SFT2D1: variants seen among roughly 807,000 people sequenced by gnomAD.
SFT2D1 encodes the protein SFT2 domain containing 1, also known as vesicle transport protein SFT2A.
In SFT2D1, 24 loss-of-function variants were observed where a neutral mutation model predicts 28.1. The ratio of observed to expected loss-of-function variants is 0.85; its 90% confidence interval spans 0.62 to 1.20. SFT2D1 has a LOEUF of 1.20. SFT2D1 is among the 50% of genes most tolerant of loss of function. The probability of loss-of-function intolerance (pLI) is 0.00; values close to 1 mark genes in which losing one functional copy is unlikely to be tolerated. For missense variants in SFT2D1, 181 were observed against 190.9 expected (o/e 0.95, Z 0.31); for synonymous variants, 82 against 73.7 (o/e 1.11, Z -0.58).
intron 5 of SFT2D1, among the ~76,000 whole-genome samples, chr6:166,325,415 G>A (rs1778425747): frequency 6.6e-6 from 1 of 152,174 alleles, no homozygotes; most frequent in Non-Finnish European, 1.5e-5. Context: ...AGAAAAATAT[G>A]ATGTAGAATC....
chr6:166,321,988 A>G (rs1778365731), intron 7 of SFT2D1, among the ~76,000 whole-genome samples: 1 of 152,106 alleles, frequency 6.6e-6, no homozygotes, highest in Non-Finnish European at 1.5e-5. Flanking sequence ...GGTTCAAGTG[A>G]TTCTCCCACC....
intron 4 of SFT2D1, among the ~76,000 whole-genome samples, chr6:166,326,462 G>A (rs1778446843): frequency 2.0e-5 from 3 of 152,218 alleles, no homozygotes; most frequent in Admixed American, 2.0e-4. Context: ...AATGCAAGAG[G>A]TGGGCAGTGT....
intron 1 of SFT2D1, among the ~76,000 whole-genome samples, chr6:166,336,759 G>A (rs4610538): frequency 0.14 from 21,625 of 152,130 alleles, 1,733 homozygotes; most frequent in Admixed American, 0.24. Flanking sequence ...TTGTAGAAGC[G>A]GGGTCTCGCC....
At chr6:166,334,615 T>TGGAGGGCCGACTGTGCAATCTCGGCACC (rs1778611310) in intron 1 of SFT2D1, 1 of 189,208 alleles carries the variant, frequency 5.3e-6, no homozygotes, top group African/African-American at 2.4e-5. Context: ...AGCTCCTCAC[T>TGGAGGGCCGACTGTGCAATCTCGGCACC]GGAGGGCCGA....
At position 166,328,372 on chromosome 6, in the gene SFT2D1, T is replaced by TA; in HGVS notation, c.234-16dup. On this transcript the variant is annotated splice_polypyrimidine_tract_variant and intron_variant, in intron 3 of 7. Transcript: ENST00000361731. ...AAAAGCATGTACTATTTGAAACAAA[T>TA]AAAGTGACTGAGGTACAGGTCTACT... 1 of 1,484,882 alleles carries TA rather than the reference T, an allele frequency of 6.7e-7. No homozygotes were observed. Among genetic ancestry groups the TA allele is most frequent in the African/African-American group, 1.4e-5 (1 of 70,918 alleles). 92.0% of individuals were successfully genotyped at this position (1,484,882 alleles called of 1,614,324 possible). A position where few individuals can be genotyped will look rare whatever the true frequency, so the allele number is the denominator to read the frequency against.
chr6:166,339,039 C>T (rs961041357), intron 1 of SFT2D1, among the ~76,000 whole-genome samples: 7 of 152,232 alleles, frequency 4.6e-5, no homozygotes, highest in Admixed American at 2.0e-4. Context: ...ATCCTGGTTA[C>T]GTCTTGCTGC....
intron 1 of SFT2D1, among the ~76,000 whole-genome samples, chr6:166,336,312 CCAAG>C (rs1389188080): frequency 6.6e-6 from 1 of 152,084 alleles, no homozygotes; most frequent in African/African-American, 2.4e-5. Flanking sequence ...AGGGGATCAC[CCAAG>C]CAAAGTCACA....
intron 1 of SFT2D1, among the ~76,000 whole-genome samples, chr6:166,331,987 C>T (rs576477746): frequency 6.6e-5 from 10 of 152,264 alleles, no homozygotes; most frequent in South Asian, 4.1e-4. Context: ...GGAAACAGCA[C>T]GGCTATTTGT....
chr6:166,330,635 G>A (rs1778532394), intron 1 of SFT2D1, among the ~76,000 whole-genome samples: 1 of 152,232 alleles, frequency 6.6e-6, no homozygotes, highest in Non-Finnish European at 1.5e-5. Flanking sequence ...GGCTGGGAAA[G>A]AGTACACAGG....
At chr6:166,328,480 A>T (rs1020059303) in intron 3 of SFT2D1, 123 bp from the exon 4 acceptor site, 73 of 502,898 alleles carry the variant, frequency 1.5e-4, no homozygotes, top group Middle Eastern at 1.1e-3. Flanking sequence ...TCTCACTAAA[A>T]TTTTTTTTTT....
At chr6:166,329,942 C>A (rs1193416453) in intron 2 of SFT2D1, among the ~76,000 whole-genome samples, 1 of 152,124 alleles carries the variant, frequency 6.6e-6, no homozygotes, top group Non-Finnish European at 1.5e-5. Context: ...CACATTGATA[C>A]ATTTTTCTTA....
At chr6:166,327,871 G>C (rs1778477485) in intron 4 of SFT2D1, among the ~76,000 whole-genome samples, 1 of 152,028 alleles carries the variant, frequency 6.6e-6, no homozygotes, top group South Asian at 2.1e-4. Context: ...TGTGATCTTG[G>C]CTCACTGCAA....
chr6:166,327,263 G>A (rs1228083712), intron 4 of SFT2D1, among the ~76,000 whole-genome samples: 1 of 152,238 alleles, frequency 6.6e-6, no homozygotes, highest in East Asian at 1.9e-4. Flanking sequence ...CACAGACCAG[G>A]TGAGTTAGGA....
chr6:166,330,340 T>C, intron 1 of SFT2D1, 93 bp from the exon 2 acceptor site: 1 of 779,908 alleles, frequency 1.3e-6, no homozygotes, highest in Non-Finnish European at 2.1e-6. Context: ...TAACACATAG[T>C]CTGAATCATT....
intron 5 of SFT2D1, among the ~76,000 whole-genome samples, chr6:166,325,081 T>G (rs1352295721): frequency 6.6e-6 from 1 of 152,214 alleles, no homozygotes; most frequent in African/African-American, 2.4e-5. Flanking sequence ...TTTAAAATAT[T>G]TTCAGAATTC....
chr6:166,334,732 C>A (rs1778613726), intron 1 of SFT2D1: 1 of 336,738 alleles, frequency 3.0e-6, no homozygotes, highest in Non-Finnish European at 5.8e-6. Context: ...GTCATGAGAT[C>A]CAAGCACCAA....
chr6:166,326,085 G>T (rs189199442), intron 5 of SFT2D1, 47 bp downstream of exon 5: 1 of 1,548,326 alleles, frequency 6.5e-7, no homozygotes, highest in Non-Finnish European at 8.9e-7. Context: ...CAGCTGGGGT[G>T]GGGGGCACAC....
intron 1 of SFT2D1, among the ~76,000 whole-genome samples, chr6:166,333,336 G>A (rs1778585376): frequency 6.6e-6 from 1 of 152,078 alleles, no homozygotes; most frequent in African/African-American, 2.4e-5. Context: ...TGGCCTTTCT[G>A]TGCAGCATCC....
At chr6:166,332,193 T>G (rs1778564528) in intron 1 of SFT2D1, among the ~76,000 whole-genome samples, 1 of 152,230 alleles carries the variant, frequency 6.6e-6, no homozygotes, top group Non-Finnish European at 1.5e-5. Context: ...GGGAAAACTG[T>G]GATATGCTTC....
Sources: gnomAD v4.1 joint callset for allele counts (sites outside exome capture counted in the v4.1 genomes callset) on GRCh38, gnomAD v4.1.1 for gene constraint, MANE v1.5 for transcripts, NCBI Gene and HGNC (gene_info 2026-07-23, HGNC 2026-07-21) for gene names.